USP32: variants seen among roughly 807,000 people sequenced by gnomAD.
USP32 encodes the protein ubiquitin specific peptidase 32, also known as ubiquitin carboxyl-terminal hydrolase 32.
A neutral mutation model predicts 204.8 loss-of-function variants in USP32; 59 were observed. The ratio of observed to expected loss-of-function variants is 0.29; its 90% confidence interval spans 0.23 to 0.36. The LOEUF (loss-of-function observed/expected upper bound fraction) is 0.36. USP32 is among the 10% of genes least tolerant of loss of function. The probability of loss-of-function intolerance (pLI) is 1.00; values close to 1 mark genes in which losing one functional copy is unlikely to be tolerated. For synonymous variants in USP32, 517 were observed against 678.4 expected (o/e 0.76, Z 3.70); for missense variants, 1,160 against 1,946.4 (o/e 0.60, Z 7.60).
chr17:60,376,769 GACTCC>G (rs1311796985), intron 1 of USP32, among the ~76,000 whole-genome samples: 1 of 151,856 alleles, frequency 6.6e-6, no homozygotes, highest in Non-Finnish European at 1.5e-5. Flanking sequence ...TGATCCGCCC[GACTCC>G]ACCTCCCAAA....
At chr17:60,262,230 T>C (rs2086471493) in intron 9 of USP32, among the ~76,000 whole-genome samples, 1 of 152,164 alleles carries the variant, frequency 6.6e-6, no homozygotes, top group Non-Finnish European at 1.5e-5. Flanking sequence ...TCACTCTTGT[T>C]ATTCAGGCTG....
chr17:60,222,552 G>A lies in USP32; in HGVS notation c.1609-3C>T. The A allele has an allele frequency of 6.2e-7, 1 of 1,612,412 alleles. No homozygotes were observed. Among genetic ancestry groups the A allele is most frequent in the Non-Finnish European group, 8.5e-7 (1 of 1,179,146 alleles). On this transcript the variant is annotated splice_region_variant and splice_polypyrimidine_tract_variant and intron_variant, in intron 14 of 33. Transcript: ENST00000300896. ...CCTTCTAGTGTTAATGATGTAGCCT[G>A]AGAAAGAATAGAATGACAATGTTGA...
intron 11 of USP32, among the ~76,000 whole-genome samples, chr17:60,245,017 C>A (rs2085977854): frequency 6.6e-6 from 1 of 152,186 alleles, no homozygotes; most frequent in African/African-American, 2.4e-5. Context: ...AACATAGAAA[C>A]TTTGCTCAAA....
chr17:60,410,775 CAT>C (rs2090011583), intron 1 of USP32, among the ~76,000 whole-genome samples: 1 of 151,978 alleles, frequency 6.6e-6, no homozygotes, highest in Non-Finnish European at 1.5e-5. Flanking sequence ...AAGCACATAA[CAT>C]AGGTTAGAAA....
chr17:60,279,665 CT>C (rs1380176644), intron 5 of USP32, among the ~76,000 whole-genome samples: 1 of 151,436 alleles, frequency 6.6e-6, no homozygotes, highest in Non-Finnish European at 1.5e-5. Context: ...GGTAAAACCC[CT>C]TCTCTACAAA....
intron 22 of USP32, among the ~76,000 whole-genome samples, 177 bp downstream of exon 22, chr17:60,209,193 C>T (rs535310378): frequency 1.3e-5 from 2 of 152,212 alleles, no homozygotes; most frequent in South Asian, 2.1e-4. Flanking sequence ...TTTCATTAAA[C>T]GTATTTTTGT....
chr17:60,224,072 G>C (rs933959578), intron 13 of USP32, among the ~76,000 whole-genome samples: 2 of 152,178 alleles, frequency 1.3e-5, no homozygotes, highest in African/African-American at 4.8e-5. Flanking sequence ...ATGTCCACAA[G>C]TTCTTTTGAA....
intron 15 of USP32, among the ~76,000 whole-genome samples, chr17:60,222,111 A>C (rs2085268697): frequency 6.6e-6 from 1 of 152,204 alleles, no homozygotes; most frequent in Admixed American, 6.6e-5. Flanking sequence ...CATTCACTGA[A>C]CTTTTTGGCA....
In USP32 at chr17:60,178,486, A is replaced by C. The variant is rs2084022107; in HGVS notation, c.*769T>G. The stretch of plus-strand genomic sequence containing the variant: ...AGGATACTTGAAGTATCCTAAATGT[A>C]AGATGCCTCCACTGGGAGGGCCATG... On this transcript the variant is annotated 3_prime_UTR_variant, in exon 34 of 34. Transcript: ENST00000300896. 6.6e-6 allele frequency among the ~76,000 whole-genome samples: 1 copy of C among 152,190 alleles called. No individual in the cohort carries two copies. The highest frequency in any genetic ancestry group is 2.4e-5 in the African/African-American group (1 of 41,442).
intron 9 of USP32, among the ~76,000 whole-genome samples, chr17:60,256,403 C>T (rs1490931242): frequency 6.6e-6 from 1 of 152,154 alleles, no homozygotes; most frequent in East Asian, 1.9e-4. Context: ...TGTTCACTTA[C>T]AGCAGAGGAA....
At chr17:60,265,623 C>G in intron 8 of USP32, 149 bp from the exon 9 acceptor site, 1 of 616,560 alleles carries the variant, frequency 1.6e-6, no homozygotes, top group Non-Finnish European at 2.8e-6. Context: ...ATCTCAAACT[C>G]CTGGGCTAAA....
chr17:60,181,557 A>C lies in USP32; in HGVS notation c.4315T>G (p.Cys1439Gly), dbSNP rs749332349. The C allele has an allele frequency of 6.2e-7, 1 of 1,613,872 alleles. No homozygotes were observed. The highest frequency in any genetic ancestry group is 8.5e-7 in the Non-Finnish European group (1 of 1,179,878). ...ASKENGAGQI[C>G]ELADALSRGH... ...CGACTCAAGGCGTCAGCCAGCTCAC[A>C]TATCTGCCCAGCCCCATTTTCTTTG... Residue 1439 changes from cysteine to glycine, a missense_variant, in exon 32 of 34, where the codon TGT becomes GGT. Cys to Gly is a radical substitution (Grantham distance 159). Around this residue, in one of 8 missense-constraint regions of USP32, gnomAD observed 244 missense variants for 342.3 expected, o/e 0.71. Coordinates refer to ENST00000300896, the MANE Select transcript of USP32 (RefSeq NM_032582.4).
chr17:60,187,485 T>C (rs1355529157), intron 29 of USP32, among the ~76,000 whole-genome samples: 1 of 152,210 alleles, frequency 6.6e-6, no homozygotes, highest in Admixed American at 6.5e-5. Flanking sequence ...TGCTGCATCA[T>C]CGTTGTTGGA....
intron 6 of USP32, among the ~76,000 whole-genome samples, chr17:60,270,549 C>T (rs1002660597): frequency 2.6e-5 from 4 of 152,094 alleles, no homozygotes; most frequent in African/African-American, 4.8e-5. Flanking sequence ...GCAGACTGGG[C>T]GCAGTGGCTC....
chr17:60,331,624 T>C (rs113313081), intron 2 of USP32, among the ~76,000 whole-genome samples: 1 of 132,024 alleles, frequency 7.6e-6, no homozygotes, highest in South Asian at 2.4e-4. Flanking sequence ...AAGTATACAA[T>C]TGAGGTCAGG....
intron 2 of USP32, among the ~76,000 whole-genome samples, chr17:60,315,039 C>T (rs1038811098): frequency 6.6e-6 from 1 of 152,190 alleles, no homozygotes; most frequent in East Asian, 1.9e-4. Flanking sequence ...TGTCTTTAGT[C>T]ATTAGGGAAA....
intron 2 of USP32, among the ~76,000 whole-genome samples, chr17:60,331,382 A>G (rs1224278694): frequency 1.3e-5 from 2 of 151,898 alleles, no homozygotes; most frequent in Admixed American, 6.6e-5. Flanking sequence ...CCTGGGGAAC[A>G]TGGCAAAACC....
At chr17:60,407,699 T>C (rs555524432) in intron 1 of USP32, among the ~76,000 whole-genome samples, 3 of 150,250 alleles carry the variant, frequency 2.0e-5, no homozygotes, top group African/African-American at 4.9e-5. Flanking sequence ...GAAGAATTGC[T>C]TGAACCCAGG....
chr17:60,260,072 G>A (rs985355850), intron 9 of USP32, among the ~76,000 whole-genome samples: 4 of 152,168 alleles, frequency 2.6e-5, no homozygotes, highest in African/African-American at 9.7e-5. Context: ...ATCTGGAACT[G>A]TAATACATTA....
Sources: gnomAD v4.1 joint callset for allele counts (sites outside exome capture counted in the v4.1 genomes callset) on GRCh38, gnomAD v4.1.1 for gene constraint, gnomAD v4.1.1 regional missense constraint, MANE v1.5 for transcripts, NCBI Gene and HGNC (gene_info 2026-07-23, HGNC 2026-07-21) for gene names.